The following FNIP1 variants were observed in gnomAD, a reference collection of about 807,000 sequenced individuals.
The protein encoded by FNIP1 is folliculin-interacting protein 1.
A neutral mutation model predicts 124.5 loss-of-function variants in FNIP1; 40 were observed. The ratio of observed to expected loss-of-function variants is 0.32; its 90% CI spans 0.25 to 0.42. The LOEUF (loss-of-function observed/expected upper bound fraction) is 0.42, where lower values mean the gene tolerates loss of function less well. Ranked by LOEUF, FNIP1 falls within the 10% of genes least tolerant of loss-of-function variation. The pLI, the probability that FNIP1 is intolerant of heterozygous loss-of-function variation, is 1.00. For synonymous variants in FNIP1, 472 were observed against 470.6 expected (o/e 1.00, Z -0.04); for missense variants, 1,176 against 1,403.7 (o/e 0.84, Z 2.59).
At chr5:131,726,799 T>C (rs1156247423) in intron 3 of FNIP1, among the ~76,000 whole-genome samples, 4 of 152,226 alleles carry the variant, frequency 2.6e-5, no homozygotes, top group African/African-American at 9.6e-5. Context: ...TGTGGGCATT[T>C]AGTGCTATAA....
chr5:131,673,757 C>T (rs185481396), intron 13 of FNIP1, among the ~76,000 whole-genome samples: 24 of 152,226 alleles, frequency 1.6e-4, no homozygotes, highest in African/African-American at 2.2e-4. Flanking sequence ...TCTCTGGGGC[C>T]GGGCACAGTG....
intron 15 of FNIP1, among the ~76,000 whole-genome samples, chr5:131,664,851 A>G (rs563905266): frequency 6.6e-6 from 1 of 150,834 alleles, no homozygotes; most frequent in East Asian, 1.9e-4. Context: ...ATATAAATAC[A>G]TATACATGCA....
At chr5:131,765,645 A>G (rs1771395337) in intron 1 of FNIP1, among the ~76,000 whole-genome samples, 1 of 152,226 alleles carries the variant, frequency 6.6e-6, no homozygotes, top group Admixed American at 6.5e-5. Context: ...TGATGTCTTC[A>G]CTTTAAGTAT....
At chr5:131,745,920 A>C (rs1370588880) in intron 1 of FNIP1, among the ~76,000 whole-genome samples, 1 of 152,228 alleles carries the variant, frequency 6.6e-6, no homozygotes, top group Non-Finnish European at 1.5e-5. Flanking sequence ...GTAATTTTCT[A>C]GGAGTAAGGT....
At chr5:131,646,959 C>T (rs1766902230) in intron 17 of FNIP1, 131 bp downstream of exon 17, 2 of 735,524 alleles carry the variant, frequency 2.7e-6, no homozygotes, top group Admixed American at 2.4e-5. Flanking sequence ...TACAGGGCAA[C>T]CTAAATGATA....
Position 131,719,057 on chromosome 5 carries a change from G to C in FNIP1, c.459C>G (p.Ser153=). The change falls in exon 5 of 18, where the codon TCC becomes TCG. Residue 153 remains serine, a synonymous_variant. Coordinates refer to ENST00000510461, the MANE Select transcript of FNIP1 (RefSeq NM_133372.3). ...GSTLKIHQIR[S]PPQLMLSKVF... The stretch of plus-strand genomic sequence containing the variant: ...CTTTGCTGAGCATGAGCTGTGGAGG[G>C]GAACTATGAAGAAAAAGAGAAAGAG... 1.2e-6 allele frequency: 2 copies of C among 1,613,264 alleles called. No homozygotes were observed. Among genetic ancestry groups the C allele is most frequent in the Non-Finnish European group, 1.7e-6 (2 of 1,179,546 alleles).
chr5:131,678,936 A>C, intron 12 of FNIP1, 93 bp downstream of exon 12: 1 of 858,754 alleles, frequency 1.2e-6, no homozygotes, highest in Non-Finnish European at 1.7e-6. Flanking sequence ...TTAATAATAT[A>C]AAATAATTCC....
At chr5:131,693,333 C>CATATATATATATATATATACAT (rs1768564661) in intron 11 of FNIP1, among the ~76,000 whole-genome samples, 20 of 50,144 alleles carry the variant, frequency 4.0e-4, no homozygotes, top group African/African-American at 1.4e-3. Flanking sequence ...TATATATATA[C>CATATATATATATATATATACAT]ATATATATAT....
chr5:131,777,412 A>G (rs1771847466), intron 1 of FNIP1, among the ~76,000 whole-genome samples: 1 of 152,100 alleles, frequency 6.6e-6, no homozygotes, highest in South Asian at 2.1e-4. Context: ...GCTGGGAAAA[A>G]TGGTCCTGTC....
intron 2 of FNIP1, among the ~76,000 whole-genome samples, chr5:131,734,091 T>G (rs1770199763): frequency 6.6e-6 from 1 of 152,242 alleles, no homozygotes. Context: ...TATCCATTTC[T>G]TCTAGATTTT....
chr5:131,715,387 G>A (rs1769434510), intron 6 of FNIP1, among the ~76,000 whole-genome samples: 1 of 152,142 alleles, frequency 6.6e-6, no homozygotes, highest in African/African-American at 2.4e-5. Flanking sequence ...TTGGAAGGGT[G>A]AGGCAGGAGG....
chr5:131,662,617 T>C (rs768399795), intron 15 of FNIP1, among the ~76,000 whole-genome samples: 3 of 152,202 alleles, frequency 2.0e-5, no homozygotes, highest in African/African-American at 7.2e-5. Context: ...AAGTCCTTTT[T>C]GGTTTAATAC....
At chr5:131,663,851 G>A (rs188501581) in intron 15 of FNIP1, among the ~76,000 whole-genome samples, 1 of 152,292 alleles carries the variant, frequency 6.6e-6, no homozygotes, top group East Asian at 1.9e-4. Context: ...TGAGACTACT[G>A]GAAAAACAGT....
chr5:131,783,605 C>T (rs929641880), intron 1 of FNIP1, among the ~76,000 whole-genome samples: 5 of 152,006 alleles, frequency 3.3e-5, no homozygotes, highest in African/African-American at 1.2e-4. Context: ...CATCAAATAT[C>T]AGCAAATGAA....
intron 1 of FNIP1, among the ~76,000 whole-genome samples, chr5:131,780,048 A>G (rs1771946306): frequency 6.6e-6 from 1 of 152,020 alleles, no homozygotes; most frequent in Non-Finnish European, 1.5e-5. Context: ...CAAAAAAATA[A>G]TAATAATAAT....
chr5:131,764,087 C>T (rs1771338407), intron 1 of FNIP1, among the ~76,000 whole-genome samples: 1 of 151,924 alleles, frequency 6.6e-6, no homozygotes, highest in African/African-American at 2.4e-5. Context: ...CGCCCCCTTG[C>T]CTTTTTTTTG....
intron 1 of FNIP1, among the ~76,000 whole-genome samples, chr5:131,772,052 T>C (rs1226797793): frequency 5.3e-5 from 8 of 152,160 alleles, no homozygotes; most frequent in East Asian, 1.9e-4. Flanking sequence ...TACAAAGGAA[T>C]ACTACTTTGC....
Position 131,671,604 on chromosome 5 carries a change from T to C in FNIP1, c.2840A>G (p.Glu947Gly). Residue 947 changes from glutamate to glycine, a missense_variant, in exon 14 of 18, where the codon GAA (glutamate) becomes GGA (glycine). Coordinates refer to ENST00000510461, the MANE Select transcript of FNIP1 (RefSeq NM_133372.3). Reference sequence around the variant, plus strand: ...CATATCATGACCTGTATCTTCACTTTCACTATCCCCAAGGGCACTGTCTGA... The same window carrying C: ...CATATCATGACCTGTATCTTCACTTCCACTATCCCCAAGGGCACTGTCTGA... ...ESSDSALGDS[E>G]SEDTGHDMTR... 6.2e-7 allele frequency: 1 copy of C among 1,614,012 alleles called. No homozygotes were observed. Among genetic ancestry groups the C allele is most frequent in the Non-Finnish European group, 8.5e-7 (1 of 1,180,002 alleles).
chr5:131,700,145 C>T (rs772995428), intron 10 of FNIP1, among the ~76,000 whole-genome samples: 2 of 151,242 alleles, frequency 1.3e-5, no homozygotes, highest in African/African-American at 2.4e-5. Flanking sequence ...CACCATGCCC[C>T]GCTAATTTTT....
Sources: allele counts gnomAD v4.1 joint callset (sites outside exome capture counted in the v4.1 genomes callset), GRCh38; gene constraint gnomAD v4.1.1; transcripts MANE v1.5; gene names NCBI Gene and HGNC (gene_info 2026-07-23, HGNC 2026-07-21).